PRKG1: variants seen among roughly 807,000 people sequenced by gnomAD.
The protein encoded by PRKG1 is protein kinase cGMP-dependent 1, also known as cGMP-dependent protein kinase 1.
Under a neutral mutation model 88.1 loss-of-function variants are expected in PRKG1, and 35 were observed. The ratio of observed to expected loss-of-function variants is 0.40; its 90% CI spans 0.30 to 0.53. The LOEUF (loss-of-function observed/expected upper bound fraction) is 0.53, where lower values mean the gene tolerates loss of function less well. Among genes scored for constraint, PRKG1 ranks in the 20% least tolerant of loss-of-function variants. The pLI is 0.59. For missense variants in PRKG1, 540 were observed against 839.8 expected, an observed-to-expected ratio of 0.64 and a Z score of 4.41; for synonymous variants, 303 against 292.5, an observed-to-expected ratio of 1.04 and a Z score of -0.37.
intron 3 of PRKG1, among the ~76,000 whole-genome samples, chr10:51,586,562 T>TAA (rs1390177700): frequency 1.3e-5 from 2 of 152,186 alleles, no homozygotes; most frequent in African/African-American, 4.8e-5. Context: ...AAAACTTTAT[T>TAA]AAAATGTTAG....
chr10:52,166,791 A>ATATATATATATATATG (rs748533502), intron 9 of PRKG1, among the ~76,000 whole-genome samples: 15,475 of 36,558 alleles, frequency 0.42, 1,574 homozygotes, highest in Middle Eastern at 0.56. Flanking sequence ...AAAAGCCTAT[A>ATATATATATATATATG]TATATACATA....
chr10:52,039,451 G>T (rs982618456), intron 5 of PRKG1, among the ~76,000 whole-genome samples: 4 of 152,110 alleles, frequency 2.6e-5, no homozygotes, highest in Admixed American at 2.6e-4. Context: ...TTAAGGTGGG[G>T]CAGGGCATAT....
intron 1 of PRKG1, among the ~76,000 whole-genome samples, chr10:51,115,318 C>CG (rs934505309): frequency 6.8e-4 from 31 of 45,266 alleles, no homozygotes; most frequent in Non-Finnish European, 1.3e-3. Context: ...CATCTCGGGG[C>CG]GGGGGGAGGG....
chr10:52,256,524 T>C (rs977819135), intron 10 of PRKG1, among the ~76,000 whole-genome samples: 4 of 139,734 alleles, frequency 2.9e-5, no homozygotes, highest in African/African-American at 9.9e-5. Context: ...ATAGGATATG[T>C]ACCTCACAAG....
intron 3 of PRKG1, among the ~76,000 whole-genome samples, chr10:51,677,938 T>A (rs913804968): frequency 6.6e-6 from 1 of 152,168 alleles, no homozygotes; most frequent in African/African-American, 2.4e-5. Context: ...TATGAGAGGT[T>A]TTTTTATTAT....
chr10:51,486,422 C>T (rs1037525792), intron 3 of PRKG1, among the ~76,000 whole-genome samples: 1 of 152,060 alleles, frequency 6.6e-6, no homozygotes, highest in African/African-American at 2.4e-5. Flanking sequence ...ATACTTACTC[C>T]AAAGTCATCA....
At chr10:52,006,437 C>A (rs79649724) in intron 5 of PRKG1, among the ~76,000 whole-genome samples, 15,518 of 152,078 alleles carry the variant, frequency 0.1, 932 homozygotes, top group Non-Finnish European at 0.13. Flanking sequence ...TAAGAAAGAA[C>A]CAAACTAATC....
chr10:52,218,122 A>G (rs1223147687), intron 9 of PRKG1, among the ~76,000 whole-genome samples: 1 of 151,670 alleles, frequency 6.6e-6, no homozygotes, highest in Non-Finnish European at 1.5e-5. Flanking sequence ...TGAGGCAGGA[A>G]AATCACCTGA....
chr10:51,771,473 A>G (rs1838303836), intron 3 of PRKG1, among the ~76,000 whole-genome samples: 1 of 152,102 alleles, frequency 6.6e-6, no homozygotes, highest in South Asian at 2.1e-4. Context: ...TGTTTTACTG[A>G]CTGATTTAGC....
intron 2 of PRKG1, among the ~76,000 whole-genome samples, chr10:51,278,894 CA>C (rs1362611569): frequency 6.6e-6 from 1 of 151,954 alleles, no homozygotes; most frequent in African/African-American, 2.4e-5. Flanking sequence ...TTGATCTTTT[CA>C]AAAAACCAGC....
At chr10:51,068,174 A>G (rs1843778525) in intron 1 of PRKG1, among the ~76,000 whole-genome samples, 1 of 152,062 alleles carries the variant, frequency 6.6e-6, no homozygotes, top group African/African-American at 2.4e-5. Flanking sequence ...TGTCGTTAGA[A>G]AAGTGGATTT....
chr10:51,675,833 G>A (rs1257390700), intron 3 of PRKG1, among the ~76,000 whole-genome samples: 1 of 152,042 alleles, frequency 6.6e-6, no homozygotes, highest in Non-Finnish European at 1.5e-5. Flanking sequence ...ATCTCCTTCT[G>A]ATAACTGTGG....
chr10:51,161,159 A>G (rs1432935616), intron 2 of PRKG1, among the ~76,000 whole-genome samples: 1 of 152,042 alleles, frequency 6.6e-6, no homozygotes, highest in East Asian at 1.9e-4. Flanking sequence ...TGGATTTTAT[A>G]TTTGGAAATA....
At chr10:51,478,221 CT>C (rs1377111310) in intron 3 of PRKG1, among the ~76,000 whole-genome samples, 2 of 152,058 alleles carry the variant, frequency 1.3e-5, no homozygotes, top group Non-Finnish European at 2.9e-5. Flanking sequence ...TTGAGCATGC[CT>C]TTAAAACAGT....
chr10:51,894,005 T>C (rs1432585225), intron 4 of PRKG1, among the ~76,000 whole-genome samples: 1 of 152,120 alleles, frequency 6.6e-6, no homozygotes, highest in African/African-American at 2.4e-5. Context: ...CCTACTTAGA[T>C]GTAGAGAGAA....
At chr10:51,579,514 A>C (rs1186446997) in intron 3 of PRKG1, among the ~76,000 whole-genome samples, 4 of 152,158 alleles carry the variant, frequency 2.6e-5, no homozygotes, top group African/African-American at 9.6e-5. Flanking sequence ...GTCACTTATA[A>C]TACCTAAAAG....
chr10:51,238,504 C>T (rs1279591845), intron 2 of PRKG1, among the ~76,000 whole-genome samples: 1 of 152,052 alleles, frequency 6.6e-6, no homozygotes, highest in Non-Finnish European at 1.5e-5. Context: ...ATCTCTTAAA[C>T]CTGGGAGGAG....
chr10:51,025,174 C>A (rs575296174), intron 1 of PRKG1, among the ~76,000 whole-genome samples: 6 of 152,302 alleles, frequency 3.9e-5, no homozygotes, highest in Non-Finnish European at 5.9e-5. Flanking sequence ...CTTGATCAAT[C>A]ACAATAACAG....
At chr10:51,218,248 T>C (rs1838422215) in intron 2 of PRKG1, among the ~76,000 whole-genome samples, 1 of 151,888 alleles carries the variant, frequency 6.6e-6, no homozygotes, top group African/African-American at 2.4e-5. Flanking sequence ...TATGACTTTG[T>C]TTTGTAACAA....
Sources: allele counts gnomAD v4.1 joint callset (sites outside exome capture counted in the v4.1 genomes callset), GRCh38; gene constraint gnomAD v4.1.1; transcripts MANE v1.5; gene names NCBI Gene and HGNC (gene_info 2026-07-23, HGNC 2026-07-21).